Variants in CHRNA7 observed in about 807,000 individuals in gnomAD.
The protein encoded by CHRNA7 is neuronal acetylcholine receptor subunit alpha-7.
CHRNA7 carries 17 observed loss-of-function variants against 48.0 expected under a neutral mutation model. The ratio of observed to expected loss-of-function variants is 0.35; its 90% confidence interval spans 0.24 to 0.53. The LOEUF (loss-of-function observed/expected upper bound fraction) is 0.53. Among genes scored for constraint, CHRNA7 ranks in the 20% least tolerant of loss-of-function variants. CHRNA7 has a pLI of 0.92. For synonymous variants in CHRNA7, 75 were observed against 242.3 expected, an observed-to-expected ratio of 0.31 and a Z score of 6.41; for missense variants, 155 against 577.7, an observed-to-expected ratio of 0.27 and a Z score of 7.50.
At chr15:32,137,002 A>C (rs899746134) in intron 4 of CHRNA7, among the ~76,000 whole-genome samples, 1 of 126,746 alleles carries the variant, frequency 7.9e-6, no homozygotes, top group South Asian at 2.9e-4. Flanking sequence ...ACTGCACTCC[A>C]GCCTGGGCGA....
chr15:32,050,421 C>G (rs2049646413), intron 2 of CHRNA7, among the ~76,000 whole-genome samples: 1 of 152,210 alleles, frequency 6.6e-6, no homozygotes, highest in Non-Finnish European at 1.5e-5. Flanking sequence ...GATACCCATT[C>G]TTCCAGTTGA....
chr15:32,125,607 A>G (rs995694255), intron 4 of CHRNA7, among the ~76,000 whole-genome samples: 1 of 152,176 alleles, frequency 6.6e-6, no homozygotes, highest in Non-Finnish European at 1.5e-5. Context: ...GAGTTCTTAG[A>G]TAGTGCTTTG....
At chr15:32,067,233 T>G (rs1044639511) in intron 2 of CHRNA7, among the ~76,000 whole-genome samples, 1 of 152,112 alleles carries the variant, frequency 6.6e-6, no homozygotes, top group African/African-American at 2.4e-5. Context: ...TACATCATAA[T>G]CAAACTGTTG....
chr15:32,142,315 T>C (rs192278355), intron 4 of CHRNA7, among the ~76,000 whole-genome samples: 2 of 152,178 alleles, frequency 1.3e-5, no homozygotes, highest in Admixed American at 6.5e-5. Context: ...TGTTGGATTC[T>C]GTTTGCCAGT....
At chr15:32,138,987 C>T (rs1219259959) in intron 4 of CHRNA7, among the ~76,000 whole-genome samples, 2 of 152,298 alleles carry the variant, frequency 1.3e-5, no homozygotes, top group African/African-American at 2.4e-5. Flanking sequence ...CTCCTGACCT[C>T]GGGTGATCCA....
At chr15:32,034,406 C>T (rs1212684751) in intron 2 of CHRNA7, among the ~76,000 whole-genome samples, 1 of 152,098 alleles carries the variant, frequency 6.6e-6, no homozygotes, top group Non-Finnish European at 1.5e-5. Flanking sequence ...ATAGTACTGA[C>T]CAAACTACTG....
rs1368521359 is a variant in CHRNA7 at position 32,169,090 on chromosome 15, C to A, written c.*632C>A. ...TACTAAGGATGTTTTTACCAGCCTG[C>A]CTGACTTCTGCAAACCTACCCTGTC... On this transcript the variant is annotated 3_prime_UTR_variant, in exon 10 of 10. Coordinates refer to ENST00000306901, the MANE Select transcript of CHRNA7 (RefSeq NM_000746.6). The A allele has an allele frequency of 7.3e-6, 1 of 137,842 alleles. No individual in the cohort carries two copies. The highest frequency in any genetic ancestry group is 1.6e-5 in the Non-Finnish European group (1 of 63,278). The allele number at this position is 137,842 out of a possible 1,614,324, so 8.5% of individuals were successfully genotyped here.
chr15:32,159,018 C>A, intron 7 of CHRNA7: 1 of 243,330 alleles, frequency 4.1e-6, no homozygotes, highest in East Asian at 9.8e-5. Context: ...CACTCCCATA[C>A]GAAGCTAAGG....
At chr15:32,167,443 A>G (rs1468492503) in intron 9 of CHRNA7, 30 of 106,100 alleles carry the variant, frequency 2.8e-4, no homozygotes, top group African/African-American at 1.1e-3. Context: ...GAAGTGCTTC[A>G]AGCTTCAAGT....
chr15:32,107,137 G>A (rs968884813), intron 3 of CHRNA7, among the ~76,000 whole-genome samples: 5 of 152,280 alleles, frequency 3.3e-5, no homozygotes, highest in South Asian at 2.1e-4. Flanking sequence ...GACATCAAAC[G>A]TGTGATGACT....
chr15:32,070,385 T>C (rs2050034364), intron 2 of CHRNA7, among the ~76,000 whole-genome samples: 2 of 152,170 alleles, frequency 1.3e-5, no homozygotes, highest in Admixed American at 1.3e-4. Flanking sequence ...GAGATAAAAG[T>C]ACTTTGTCAG....
chr15:32,098,411 C>G (rs895574861), intron 2 of CHRNA7, among the ~76,000 whole-genome samples: 1 of 152,182 alleles, frequency 6.6e-6, no homozygotes, highest in Non-Finnish European at 1.5e-5. Context: ...GACACGGCAC[C>G]TGCAGACCTA....
chr15:32,125,116 T>A (rs2051043372), intron 4 of CHRNA7, among the ~76,000 whole-genome samples: 1 of 152,306 alleles, frequency 6.6e-6, no homozygotes, highest in South Asian at 2.1e-4. Flanking sequence ...AAAAACACTA[T>A]CATTACTTCC....
chr15:32,046,173 G>A lies in CHRNA7; in HGVS notation c.195+15136G>A, dbSNP rs560658441. 4.2e-3 allele frequency among the ~76,000 whole-genome samples: 637 copies of A among 151,828 alleles called. 7 individuals carry two copies. Among genetic ancestry groups the A allele is most frequent in the African/African-American group, 0.015 (612 of 41,314 alleles). On this transcript the variant is annotated intron_variant, in intron 2 of 9. Transcript: ENST00000306901. Reference sequence around the variant, plus strand: ...TAGCAGCATGATTTATAGTCCTTTGGGTATATACCCAGTAATGGGATGGCT... The same window carrying A: ...TAGCAGCATGATTTATAGTCCTTTGAGTATATACCCAGTAATGGGATGGCT...
rs1283039030 is a variant in CHRNA7, at chr15:32,149,756, G to A, written c.351-4151G>A. On this transcript the variant is annotated intron_variant, in intron 4 of 9. Coordinates refer to ENST00000306901, the MANE Select transcript of CHRNA7 (RefSeq NM_000746.6). This position sits in a 1 kb window ranked among gnomAD's most constrained non-coding sequence, Gnocchi z 4.6. ...TGAGTCACAAATCACTGAGTCACAG[G>A]TAAGCTGTTGCTAATAGCAACAGTT... Among the ~76,000 whole-genome samples, 1 of 152,052 alleles carries A rather than the reference G, an allele frequency of 6.6e-6. No homozygotes were observed. Among genetic ancestry groups the A allele is most frequent in the Non-Finnish European group, 1.5e-5 (1 of 68,012 alleles).
chr15:32,056,319 ATGTT>A (rs532315126), intron 2 of CHRNA7, among the ~76,000 whole-genome samples: 47 of 152,136 alleles, frequency 3.1e-4, no homozygotes, highest in African/African-American at 1.1e-3. Flanking sequence ...TTTACCTCTC[ATGTT>A]TGTTTATAAC....
At chr15:32,151,085 A>AT (rs2051618974) in intron 4 of CHRNA7, among the ~76,000 whole-genome samples, 1 of 150,474 alleles carries the variant, frequency 6.6e-6, no homozygotes, top group Non-Finnish European at 1.5e-5. Context: ...CTTGTTTCAT[A>AT]TTCAAATCAC....
intron 2 of CHRNA7, among the ~76,000 whole-genome samples, chr15:32,066,747 A>G (rs1309173841): frequency 3.3e-5 from 5 of 152,224 alleles, no homozygotes; most frequent in African/African-American, 7.2e-5. Context: ...ACTTTAAACC[A>G]GTTATTTTAT....
chr15:32,032,867 T>C (rs1901909730), intron 2 of CHRNA7, among the ~76,000 whole-genome samples: 1 of 152,212 alleles, frequency 6.6e-6, no homozygotes, highest in African/African-American at 2.4e-5. Flanking sequence ...GGCTTTCTTC[T>C]GGGAACTTCT....
Sources: gnomAD v4.1 joint callset for allele counts (sites outside exome capture counted in the v4.1 genomes callset) on GRCh38, gnomAD v4.1.1 for gene constraint, Gnocchi (gnomAD v3.1) non-coding constraint, MANE v1.5 for transcripts, NCBI Gene and HGNC (gene_info 2026-07-23, HGNC 2026-07-21) for gene names.